The following NBEA variants were observed in gnomAD, a reference collection of about 807,000 sequenced individuals.
The protein encoded by NBEA is neurobeachin.
In NBEA, 44 loss-of-function variants were observed where a neutral mutation model predicts 343.4. That is an observed-to-expected ratio of 0.13 (90% CI 0.10 to 0.16). The LOEUF is 0.16. NBEA is among the 10% of genes least tolerant of loss of function. The pLI is 1.00. For missense variants in NBEA, 2,555 were observed against 3,631.3 expected (o/e 0.70, Z 7.62); for synonymous variants, 1,175 against 1,238.7 (o/e 0.95, Z 1.08).
At chr13:35,158,389 C>A (rs901699867) in intron 21 of NBEA, among the ~76,000 whole-genome samples, 1 of 151,952 alleles carries the variant, frequency 6.6e-6, no homozygotes, top group African/African-American at 2.4e-5. Context: ...TCAGATTTAT[C>A]ATTGCTTTAA....
intron 41 of NBEA, among the ~76,000 whole-genome samples, chr13:35,488,550 AC>A (rs2076386671): frequency 6.6e-6 from 1 of 151,956 alleles, no homozygotes; most frequent in South Asian, 2.1e-4. Flanking sequence ...AAACTAATAA[AC>A]TTTCAATGCA....
intron 36 of NBEA, among the ~76,000 whole-genome samples, chr13:35,328,497 T>C (rs1167688385): frequency 1.3e-5 from 2 of 151,586 alleles, no homozygotes; most frequent in Non-Finnish European, 2.9e-5. Context: ...ACTAAAGGAG[T>C]ATAATTGGAT....
chr13:35,254,063 A>G (rs1180153581), intron 34 of NBEA, among the ~76,000 whole-genome samples: 1 of 152,020 alleles, frequency 6.6e-6, no homozygotes, highest in Non-Finnish European at 1.5e-5. Context: ...TAAATTTTAT[A>G]ACATATTTTT....
chr13:35,348,924 A>G (rs937029934), intron 36 of NBEA, among the ~76,000 whole-genome samples, 184 bp from the exon 37 acceptor site: 1 of 152,086 alleles, frequency 6.6e-6, no homozygotes, highest in Non-Finnish European at 1.5e-5. Flanking sequence ...AATTGGTGCA[A>G]CAGTTTTATG....
chr13:35,323,180 T>C (rs2038288950), intron 36 of NBEA, among the ~76,000 whole-genome samples: 1 of 152,218 alleles, frequency 6.6e-6, no homozygotes, highest in Non-Finnish European at 1.5e-5. Context: ...GTTTAAAATA[T>C]ATCTACAATT....
chr13:35,446,455 T>A (rs1278356240), intron 39 of NBEA, among the ~76,000 whole-genome samples: 1 of 152,172 alleles, frequency 6.6e-6, no homozygotes, highest in African/African-American at 2.4e-5. Flanking sequence ...TGTTCCTATT[T>A]CTCCACATCC....
At chr13:34,974,840 C>T (rs541032394) in intron 1 of NBEA, among the ~76,000 whole-genome samples, 1 of 152,242 alleles carries the variant, frequency 6.6e-6, no homozygotes, top group Admixed American at 6.5e-5. Context: ...GTTAGCAGCA[C>T]ATGAAATAGC....
intron 38 of NBEA, among the ~76,000 whole-genome samples, chr13:35,356,851 C>T (rs952673654): frequency 2.0e-5 from 3 of 152,096 alleles, no homozygotes; most frequent in Non-Finnish European, 4.4e-5. Context: ...GCATGATATA[C>T]TCAGATAGGT....
intron 41 of NBEA, among the ~76,000 whole-genome samples, chr13:35,502,682 G>A (rs2076933899): frequency 6.6e-6 from 1 of 152,042 alleles, no homozygotes; most frequent in Non-Finnish European, 1.5e-5. Context: ...GCTTATGACA[G>A]TAGGATCTAT....
chr13:35,182,519 A>G lies in NBEA; in HGVS notation c.4822A>G (p.Thr1608Ala), dbSNP rs372216603. The G allele has an allele frequency of 3.7e-6, 6 of 1,609,026 alleles. No homozygotes were observed. Among genetic ancestry groups the G allele is most frequent in the Non-Finnish European group, 5.1e-6 (6 of 1,176,792 alleles). The change falls in exon 29 of 59, where the codon ACA becomes GCA. Residue 1608 changes from threonine (T) to alanine (A), a missense_variant. Physicochemically the swap from Thr to Ala is moderately conservative, Grantham distance 58 (BLOSUM62 0). Coordinates refer to ENST00000379939, the MANE Select transcript of NBEA (RefSeq NM_001385012.1). The stretch of plus-strand genomic sequence containing the variant: ...CATCAGGCAAGAAATAAATTCACCA[A>G]CAAGTACAGGTACTTAACATTGTAT... ...RNIRQEINSP[T>A]STVVVIPSIP...
At chr13:34,972,096 A>AT (rs1163692098) in intron 1 of NBEA, among the ~76,000 whole-genome samples, 4 of 151,226 alleles carry the variant, frequency 2.6e-5, no homozygotes, top group South Asian at 2.1e-4. Context: ...GAATTTATCC[A>AT]TTTTTTTTCT....
chr13:34,987,954 C>T (rs1037468403), intron 1 of NBEA, among the ~76,000 whole-genome samples: 7 of 150,816 alleles, frequency 4.6e-5, no homozygotes, highest in Admixed American at 2.6e-4. Flanking sequence ...TCCTTTAGCT[C>T]GGAGATGTTT....
chr13:35,113,888 G>A (rs1307654257), intron 13 of NBEA, among the ~76,000 whole-genome samples: 2 of 152,132 alleles, frequency 1.3e-5, no homozygotes, highest in Admixed American at 6.6e-5. Flanking sequence ...GCTGTGGTTT[G>A]TCTGTCTCCT....
At chr13:35,537,747 C>A (rs924209483) in intron 41 of NBEA, among the ~76,000 whole-genome samples, 8 of 152,082 alleles carry the variant, frequency 5.3e-5, no homozygotes, top group Non-Finnish European at 7.4e-5. Flanking sequence ...GGCTCTGTGA[C>A]AGGAAACAAC....
At chr13:35,309,396 C>T in intron 35 of NBEA, 132 bp from the exon 36 acceptor site, 1 of 609,060 alleles carries the variant, frequency 1.6e-6, no homozygotes, top group Non-Finnish European at 2.9e-6. Context: ...ATATTCATTA[C>T]AAAATCTTGT....
intron 41 of NBEA, among the ~76,000 whole-genome samples, chr13:35,538,138 T>C (rs1193185256): frequency 1.3e-5 from 2 of 152,172 alleles, no homozygotes; most frequent in African/African-American, 2.4e-5. Context: ...CGCAAATGCT[T>C]GGGATCAGAA....
intron 45 of NBEA, among the ~76,000 whole-genome samples, chr13:35,576,811 G>GTT (rs2080764955): frequency 6.6e-6 from 1 of 152,082 alleles, no homozygotes; most frequent in African/African-American, 2.4e-5. Context: ...GAGATATCAT[G>GTT]TTTTCCAATA....
intron 1 of NBEA, among the ~76,000 whole-genome samples, chr13:35,025,416 G>A (rs1346139758): frequency 6.6e-6 from 1 of 152,060 alleles, no homozygotes; most frequent in Non-Finnish European, 1.5e-5. Flanking sequence ...CATTTATTGA[G>A]TTAGGGAGTC....
At position 35,452,128 on chromosome 13, in the gene NBEA, T is replaced by A. The variant is rs2046341785; in HGVS notation, c.6341T>A (p.Phe2114Tyr). 1.9e-6 allele frequency: 3 copies of A among 1,612,634 alleles called. No homozygotes were observed. In the African/African-American group the frequency reaches 4.0e-5, roughly 22 times the overall value. Reference protein sequence around the residue: ...EEDVVKSKKTFRSQAIVNQNA... With the variant: ...EEDVVKSKKTYRSQAIVNQNA... ...GATGTAGTAAAGTCAAAGAAAACAT[T>A]CAGAAGTCAAGCAATAGTGAACCAA... Residue 2114 changes from phenylalanine to tyrosine, a missense_variant, in exon 40 of 59, where the codon TTC becomes TAC. Around this residue, in one of 21 missense-constraint regions of NBEA, gnomAD observed 246 missense variants for 313.7 expected, o/e 0.78. Coordinates refer to ENST00000379939, the MANE Select transcript of NBEA (RefSeq NM_001385012.1).
Sources: allele counts gnomAD v4.1 joint callset (sites outside exome capture counted in the v4.1 genomes callset), GRCh38; gene constraint gnomAD v4.1.1; regional missense constraint gnomAD v4.1.1; transcripts MANE v1.5; gene names NCBI Gene and HGNC (gene_info 2026-07-23, HGNC 2026-07-21).